The following BBX variants were observed in gnomAD, a reference collection of about 807,000 sequenced individuals.
The protein encoded by BBX is HMG box transcription factor BBX.
A neutral mutation model predicts 100.2 loss-of-function variants in BBX; 30 were observed. The observed-to-expected ratio is 0.30, with a 90% CI of 0.22 to 0.41. The LOEUF (loss-of-function observed/expected upper bound fraction) is 0.41. Ranked by LOEUF, BBX falls within the 10% of genes least tolerant of loss-of-function variation. The pLI, the probability that BBX is intolerant of heterozygous loss-of-function variation, is 1.00. For synonymous variants in BBX, 376 were observed against 388.1 expected (o/e 0.97, Z 0.37); for missense variants, 1,023 against 1,129.8 (o/e 0.91, Z 1.35).
At chr3:107,719,148 AT>A (rs2062335932) in intron 5 of BBX, among the ~76,000 whole-genome samples, 1 of 151,984 alleles carries the variant, frequency 6.6e-6, no homozygotes, top group Non-Finnish European at 1.5e-5. Context: ...CTGTTGATAA[AT>A]ATGGTCTGTT....
intron 5 of BBX, among the ~76,000 whole-genome samples, chr3:107,718,383 T>C (rs2062272377): frequency 6.6e-6 from 1 of 150,604 alleles, no homozygotes. Flanking sequence ...ATATAGGGCC[T>C]GTGGAAAATT....
chr3:107,567,905 T>G (rs2107504309), intron 2 of BBX, among the ~76,000 whole-genome samples: 1 of 152,252 alleles, frequency 6.6e-6, no homozygotes, highest in African/African-American at 2.4e-5. Context: ...TTTAAACATG[T>G]TTTTCTCACA....
At chr3:107,592,953 T>C (rs1460241969) in intron 2 of BBX, among the ~76,000 whole-genome samples, 1 of 152,230 alleles carries the variant, frequency 6.6e-6, no homozygotes, top group African/African-American at 2.4e-5. Context: ...TAAAGAATTA[T>C]GATTTTTTAA....
At chr3:107,573,387 G>A (rs1244083278) in intron 2 of BBX, among the ~76,000 whole-genome samples, 2 of 152,120 alleles carry the variant, frequency 1.3e-5, no homozygotes, top group South Asian at 2.1e-4. Flanking sequence ...GTGAAACACC[G>A]TCTCTACTAA....
chr3:107,575,122 T>G (rs756706751), intron 2 of BBX, among the ~76,000 whole-genome samples: 2 of 152,182 alleles, frequency 1.3e-5, no homozygotes, highest in Non-Finnish European at 2.9e-5. Flanking sequence ...TAAAAACAAT[T>G]CGTCTCAGTG....
At chr3:107,551,814 A>G (rs1236828381) in intron 2 of BBX, among the ~76,000 whole-genome samples, 1 of 152,214 alleles carries the variant, frequency 6.6e-6, no homozygotes, top group Non-Finnish European at 1.5e-5. Context: ...CACATGGGGA[A>G]GAGCTGCTCA....
At chr3:107,731,459 A>C (rs968025361) in intron 6 of BBX, among the ~76,000 whole-genome samples, 2 of 152,280 alleles carry the variant, frequency 1.3e-5, no homozygotes, top group South Asian at 4.1e-4. Flanking sequence ...TATCTATTTC[A>C]ACAGCCATAG....
chr3:107,693,641 C>T (rs369801051), intron 3 of BBX, among the ~76,000 whole-genome samples: 1,580 of 151,834 alleles, frequency 0.01, 36 homozygotes, highest in Non-Finnish European at 1.0e-2. Context: ...GTGATGCCTC[C>T]GGCTTTGTTC....
At chr3:107,677,233 A>T (rs528934063) in intron 3 of BBX, among the ~76,000 whole-genome samples, 15 of 152,152 alleles carry the variant, frequency 9.9e-5, no homozygotes, top group Non-Finnish European at 2.2e-4. Flanking sequence ...AAGCATAGAA[A>T]ACTGGTCCCC....
intron 7 of BBX, among the ~76,000 whole-genome samples, chr3:107,737,884 GTTTTTTTTT>G (rs1156396951): frequency 0.014 from 683 of 48,920 alleles, 8 homozygotes; most frequent in South Asian, 0.022. Flanking sequence ...CAGAGTTCCA[GTTTTTTTTT>G]TTTTTTTTTT....
chr3:107,609,756 G>T (rs1355737746), intron 2 of BBX, among the ~76,000 whole-genome samples: 3 of 151,714 alleles, frequency 2.0e-5, no homozygotes, highest in Non-Finnish European at 2.9e-5. Context: ...TTATTTATTT[G>T]ATTATTCTCT....
intron 3 of BBX, among the ~76,000 whole-genome samples, chr3:107,701,815 TAA>T (rs60516191): frequency 6.7e-6 from 1 of 148,330 alleles, no homozygotes; most frequent in African/African-American, 2.5e-5. Flanking sequence ...TTCTCATCTG[TAA>T]AAAAAAAAAG....
intron 2 of BBX, among the ~76,000 whole-genome samples, chr3:107,600,936 G>A (rs1328909847): frequency 6.6e-6 from 1 of 152,104 alleles, no homozygotes; most frequent in South Asian, 2.1e-4. Flanking sequence ...AAGATCTGTG[G>A]CAACTCTGCC....
intron 15 of BBX, among the ~76,000 whole-genome samples, chr3:107,795,080 A>G (rs554794810): frequency 2.1e-4 from 32 of 152,268 alleles, no homozygotes; most frequent in African/African-American, 7.0e-4. Context: ...AGAAATGACT[A>G]ATTTGTTTTG....
In BBX at chr3:107,805,775, C is replaced by T. The variant is rs2071023182; in HGVS notation, c.*318C>T. 1 of 362,738 alleles carries T rather than the reference C, an allele frequency of 2.8e-6. No homozygotes were observed. Among genetic ancestry groups the T allele is most frequent in the African/African-American group, 2.1e-5 (1 of 48,646 alleles). The allele number at this position is 362,738 out of a possible 1,614,324, so 22.5% of individuals were successfully genotyped here. A position where few individuals can be genotyped will look rare whatever the true frequency, so the allele number is the denominator to read the frequency against. On this transcript the variant is annotated 3_prime_UTR_variant, in exon 18 of 18. Transcript: ENST00000325805. The stretch of plus-strand genomic sequence containing the variant: ...AAAAGGCTGCCTTTACTGTAGCTCA[C>T]CCAGCATCTCTTTTACCAACCAGAG...
In BBX at chr3:107,583,929, ATATATATATTATATATATTATTATAT is replaced by A. The variant is rs1443691678; in HGVS notation, c.-84+57561_-84+57586del. 1.5e-4 allele frequency among the ~76,000 whole-genome samples: 12 copies of A among 80,626 alleles called. 1 individual carries two copies. Among genetic ancestry groups the A allele is most frequent in the Admixed American group, 2.0e-4 (1 of 4,964 alleles). 52.9% of individuals were successfully genotyped at this position (80,626 alleles called of 152,430 possible). On this transcript the variant is annotated intron_variant, in intron 2 of 17. Coordinates refer to ENST00000325805, the MANE Select transcript of BBX (RefSeq NM_001142568.3). ...AAGTATAAATTATACTTTATATATAATATATATATTATATATATTATTATATTATATATATTATATATATTATTATA... is the reference window on the plus strand; with the variant it reads ...AAGTATAAATTATACTTTATATATAATATATATATTATATATATTATTATA...
intron 10 of BBX, among the ~76,000 whole-genome samples, chr3:107,766,761 G>A (rs2066427826): frequency 6.6e-6 from 1 of 152,140 alleles, no homozygotes; most frequent in East Asian, 1.9e-4. Flanking sequence ...GCACATATAT[G>A]TTTATTGCAG....
At chr3:107,629,821 T>C (rs2056436208) in intron 2 of BBX, among the ~76,000 whole-genome samples, 1 of 152,182 alleles carries the variant, frequency 6.6e-6, no homozygotes, top group African/African-American at 2.4e-5. Flanking sequence ...CTTATTGCTT[T>C]GTGAACGTAA....
intron 2 of BBX, among the ~76,000 whole-genome samples, chr3:107,556,760 G>A (rs1284573623): frequency 1.3e-5 from 2 of 152,158 alleles, no homozygotes; most frequent in Non-Finnish European, 2.9e-5. Context: ...AGATTCTGGA[G>A]CTACCTCTTA....
Sources: gnomAD v4.1 joint callset for allele counts (sites outside exome capture counted in the v4.1 genomes callset) on GRCh38, gnomAD v4.1.1 for gene constraint, MANE v1.5 for transcripts, NCBI Gene and HGNC (gene_info 2026-07-23, HGNC 2026-07-21) for gene names.